Variants in ROBO1 observed in about 807,000 individuals in gnomAD.
ROBO1 encodes the protein roundabout guidance receptor 1.
ROBO1 carries 149 observed loss-of-function variants against 195.9 expected under a neutral mutation model. The ratio of observed to expected loss-of-function variants is 0.76; its 90% CI spans 0.67 to 0.87. The LOEUF (loss-of-function observed/expected upper bound fraction) is 0.87, where lower values mean the gene tolerates loss of function less well. Among genes scored for constraint, ROBO1 ranks in the 40% least tolerant of loss-of-function variants. The pLI is 0.00. For synonymous variants in ROBO1, 816 were observed against 733.2 expected, an observed-to-expected ratio of 1.11 and a Z score of -1.82; for missense variants, 1,933 against 2,068.3, an observed-to-expected ratio of 0.93 and a Z score of 1.27.
chr3:78,816,372 T>C (rs1300688820), intron 4 of ROBO1, among the ~76,000 whole-genome samples: 1 of 147,832 alleles, frequency 6.8e-6, no homozygotes, highest in Non-Finnish European at 1.5e-5. Flanking sequence ...ACCTGAGAAC[T>C]CTGATGGAGA....
rs1704012251 is a variant in ROBO1 at position 78,614,783 on chromosome 3, C to A, written c.4300G>T (p.Ala1434Ser). 3 of 1,603,334 alleles carry A rather than the reference C, an allele frequency of 1.9e-6. No individual in the cohort carries two copies. Among genetic ancestry groups the A allele is most frequent in the African/African-American group, 1.4e-5 (1 of 73,122 alleles). ...CTTGTGGGCCTAGGGCACTGAGACG[C>A]ATGAAAATGTCGACGGCCTAAGGAG... ...QDAAGRRHFH[A>S]SQCPRPTSPV... Residue 1434 changes from alanine to serine, a missense_variant, in exon 28 of 31, where the codon GCG (alanine) becomes TCG (serine). Physicochemically the swap from Ala to Ser is moderately conservative, Grantham distance 99. Around this residue, in one of 3 missense-constraint regions of ROBO1, gnomAD observed 1,737 missense variants for 1,882.5 expected, o/e 0.92. Coordinates refer to ENST00000464233, the MANE Select transcript of ROBO1 (RefSeq NM_002941.4).
rs183969107 is a variant in ROBO1, at chr3:79,539,083, C to G, written c.88+50741G>C. Among the ~76,000 whole-genome samples, 4 of 152,184 alleles carry G rather than the reference C, an allele frequency of 2.6e-5. 1 individual carries two copies. In the East Asian group the frequency reaches 7.7e-4, roughly 29 times the overall value. On this transcript the variant is annotated intron_variant, in intron 2 of 30. Coordinates refer to ENST00000464233, the MANE Select transcript of ROBO1 (RefSeq NM_002941.4). ...ATTTTGTATCTGTCATAACTTCCCCCAAAAAGAAAATCCCATAGGTTCCCA... is the reference window on the plus strand; with the variant it reads ...ATTTTGTATCTGTCATAACTTCCCCGAAAAAGAAAATCCCATAGGTTCCCA...
chr3:78,942,486 T>A (rs1395958824), intron 3 of ROBO1, among the ~76,000 whole-genome samples: 1 of 152,060 alleles, frequency 6.6e-6, no homozygotes, highest in East Asian at 1.9e-4. Context: ...AGATTCCATG[T>A]TTCTTGTCTC....
intron 2 of ROBO1, among the ~76,000 whole-genome samples, chr3:79,566,215 C>T (rs976645797): frequency 6.6e-6 from 1 of 152,086 alleles, no homozygotes; most frequent in Non-Finnish European, 1.5e-5. Context: ...AACTTAATAA[C>T]ATTAGTTCTT....
chr3:79,107,145 A>T (rs1422478580), intron 3 of ROBO1, among the ~76,000 whole-genome samples: 15 of 150,864 alleles, frequency 9.9e-5, no homozygotes, highest in African/African-American at 3.4e-4. Context: ...ACACACACAC[A>T]CACACACACA....
chr3:79,367,910 G>A (rs1346161903), intron 2 of ROBO1, among the ~76,000 whole-genome samples: 1 of 152,182 alleles, frequency 6.6e-6, no homozygotes, highest in Non-Finnish European at 1.5e-5. Context: ...CTGAGTGAAT[G>A]AATGAGTGAT....
chr3:78,946,056 T>C (rs2040422715), intron 3 of ROBO1, among the ~76,000 whole-genome samples: 1 of 152,092 alleles, frequency 6.6e-6, no homozygotes, highest in Non-Finnish European at 1.5e-5. Context: ...TTGGTGTACC[T>C]GAAAGTGATG....
At chr3:78,767,099 C>T (rs2083248431) in intron 4 of ROBO1, among the ~76,000 whole-genome samples, 1 of 151,990 alleles carries the variant, frequency 6.6e-6, no homozygotes, top group Non-Finnish European at 1.5e-5. Flanking sequence ...AATATCCTTT[C>T]CTGGTTTTGG....
intron 5 of ROBO1, among the ~76,000 whole-genome samples, chr3:78,735,828 T>G (rs2082380149): frequency 6.6e-6 from 1 of 152,154 alleles, no homozygotes; most frequent in Non-Finnish European, 1.5e-5. Context: ...GTTGATCAGA[T>G]CTAGTCTGTC....
rs368818451 is a variant in ROBO1, at chr3:78,651,947, G to A, written c.2615-18C>T. 35 of 1,603,652 alleles carry A rather than the reference G, an allele frequency of 2.2e-5. No individual in the cohort carries two copies. The highest frequency in any genetic ancestry group is 2.0e-4 in the Admixed American group (12 of 58,968). The stretch of plus-strand genomic sequence containing the variant: ...ATGGGCATCTGAAAAGTCATCTTCC[G>A]ATTAATTTGGGTTGAAGACTCAATG... On this transcript the variant is annotated intron_variant, in intron 18 of 30. Transcript: ENST00000464233.
At chr3:79,694,704 AT>A (rs1419220164) in intron 1 of ROBO1, among the ~76,000 whole-genome samples, 10 of 151,748 alleles carry the variant, frequency 6.6e-5, no homozygotes, top group Admixed American at 5.9e-4. Context: ...AGCCATGTTC[AT>A]TTACCTTATC....
chr3:79,738,623 A>G (rs1224878489), intron 1 of ROBO1, among the ~76,000 whole-genome samples: 12 of 152,200 alleles, frequency 7.9e-5, no homozygotes, highest in Admixed American at 7.9e-4. Context: ...ATTTATTCAC[A>G]AGAAGTTTCA....
intron 2 of ROBO1, among the ~76,000 whole-genome samples, chr3:79,401,123 A>AT (rs1324769258): frequency 6.6e-6 from 1 of 151,828 alleles, no homozygotes; most frequent in Non-Finnish European, 1.5e-5. Context: ...CCATTTGGAA[A>AT]TTATTATCCT....
intron 8 of ROBO1, among the ~76,000 whole-genome samples, chr3:78,708,816 G>T (rs2081613058): frequency 6.6e-6 from 1 of 152,140 alleles, no homozygotes; most frequent in South Asian, 2.1e-4. Flanking sequence ...TGTCTTAAAA[G>T]ATGGAGCCAT....
At chr3:79,751,036 C>T (rs752505763) in intron 1 of ROBO1, among the ~76,000 whole-genome samples, 9 of 152,148 alleles carry the variant, frequency 5.9e-5, no homozygotes, top group South Asian at 2.1e-4. Context: ...TGTAGTCTAA[C>T]TCTATGGCAC....
chr3:78,654,635 A>G (rs1559701085), intron 18 of ROBO1, among the ~76,000 whole-genome samples: 1 of 152,198 alleles, frequency 6.6e-6, no homozygotes, highest in Non-Finnish European at 1.5e-5. Context: ...CAAGTGTGGT[A>G]TGACTAATGA....
At chr3:79,202,616 A>C (rs550649207) in intron 2 of ROBO1, among the ~76,000 whole-genome samples, 1 of 152,024 alleles carries the variant, frequency 6.6e-6, no homozygotes, top group African/African-American at 2.4e-5. Flanking sequence ...TCAAAAAAAA[A>C]AAAAAAGAGA....
At chr3:78,666,170 G>A (rs554074870) in intron 14 of ROBO1, among the ~76,000 whole-genome samples, 5 of 152,098 alleles carry the variant, frequency 3.3e-5, no homozygotes, top group African/African-American at 4.8e-5. Context: ...ATGATTGTAA[G>A]TTTTCTGAGG....
At chr3:78,653,313 T>C (rs1405783993) in intron 18 of ROBO1, among the ~76,000 whole-genome samples, 1 of 152,030 alleles carries the variant, frequency 6.6e-6, no homozygotes, top group African/African-American at 2.4e-5. Flanking sequence ...CTGTGGGATA[T>C]GTAGATACAA....
Sources: gnomAD v4.1 joint callset for allele counts (sites outside exome capture counted in the v4.1 genomes callset) on GRCh38, gnomAD v4.1.1 for gene constraint, gnomAD v4.1.1 regional missense constraint, MANE v1.5 for transcripts, NCBI Gene and HGNC (gene_info 2026-07-23, HGNC 2026-07-21) for gene names.